Variants in GALNTL6 observed in about 807,000 individuals in gnomAD.
GALNTL6 encodes polypeptide N-acetylgalactosaminyltransferase-like 6.
In GALNTL6, 46 loss-of-function variants were observed where a neutral mutation model predicts 73.7. The observed-to-expected ratio is 0.62, with a 90% CI of 0.49 to 0.80. The LOEUF (loss-of-function observed/expected upper bound fraction) is 0.80, where lower values mean the gene tolerates loss of function less well. Among genes scored for constraint, GALNTL6 ranks in the 30% least tolerant of loss-of-function variants. The pLI is 0.00. For missense variants in GALNTL6, 604 were observed against 755.0 expected, an observed-to-expected ratio of 0.80 and a Z score of 2.34; for synonymous variants, 259 against 263.7, an observed-to-expected ratio of 0.98 and a Z score of 0.17.
chr4:172,244,104 G>A (rs1248320684), intron 3 of GALNTL6, among the ~76,000 whole-genome samples: 1 of 151,986 alleles, frequency 6.6e-6, no homozygotes, highest in Non-Finnish European at 1.5e-5. Context: ...GTTGGGAAGT[G>A]GTCAGCTTTG....
chr4:172,749,093 T>G (rs201607068), intron 5 of GALNTL6, among the ~76,000 whole-genome samples: 7 of 92,590 alleles, frequency 7.6e-5, no homozygotes, highest in African/African-American at 3.4e-4. Flanking sequence ...TTGTTGTTTG[T>G]TTTTTTTTTG....
chr4:172,093,318 T>C (rs942449152), intron 2 of GALNTL6, among the ~76,000 whole-genome samples: 14 of 152,238 alleles, frequency 9.2e-5, no homozygotes, highest in African/African-American at 3.4e-4. Flanking sequence ...AATCTAATTT[T>C]ATCTATACCA....
At chr4:172,433,220 T>G (rs550827482) in intron 5 of GALNTL6, among the ~76,000 whole-genome samples, 9 of 152,280 alleles carry the variant, frequency 5.9e-5, no homozygotes, top group African/African-American at 1.9e-4. Flanking sequence ...TAATTCTATT[T>G]TAAGCTTCCC....
chr4:172,165,302 A>G (rs1222682384), intron 2 of GALNTL6, among the ~76,000 whole-genome samples: 4 of 152,124 alleles, frequency 2.6e-5, no homozygotes, highest in African/African-American at 9.7e-5. Context: ...TTACAACTTT[A>G]TTAAAGTGGA....
intron 2 of GALNTL6, among the ~76,000 whole-genome samples, chr4:172,146,079 A>C (rs531538570): frequency 6.6e-6 from 1 of 152,298 alleles, no homozygotes; most frequent in African/African-American, 2.4e-5. Flanking sequence ...AAACAAGAAG[A>C]ACATCTTTCT....
chr4:172,088,315 T>C (rs1283359824), intron 2 of GALNTL6, among the ~76,000 whole-genome samples: 1 of 152,172 alleles, frequency 6.6e-6, no homozygotes, highest in African/African-American at 2.4e-5. Context: ...ATTTATTACA[T>C]GTGTAGGGGT....
chr4:172,141,633 A>T (rs1218894297), intron 2 of GALNTL6, among the ~76,000 whole-genome samples: 4 of 151,946 alleles, frequency 2.6e-5, no homozygotes, highest in Non-Finnish European at 5.9e-5. Flanking sequence ...GCTAAAAAAA[A>T]ATTCTGCCAG....
At chr4:172,957,074 G>A (rs532708420) in intron 10 of GALNTL6, among the ~76,000 whole-genome samples, 1 of 152,192 alleles carries the variant, frequency 6.6e-6, no homozygotes, top group South Asian at 2.1e-4. Context: ...CCTAGACCAA[G>A]AGGTATTTTA....
At chr4:172,513,926 G>T (rs761875772) in intron 5 of GALNTL6, among the ~76,000 whole-genome samples, 3 of 152,164 alleles carry the variant, frequency 2.0e-5, no homozygotes, top group Non-Finnish European at 4.4e-5. Flanking sequence ...GACATACTGA[G>T]GATCTCTGGT....
intron 5 of GALNTL6, among the ~76,000 whole-genome samples, chr4:172,627,801 A>G (rs1182576842): frequency 6.6e-6 from 1 of 151,966 alleles, no homozygotes; most frequent in African/African-American, 2.4e-5. Context: ...CAGGAGTTCT[A>G]TAATAGTCTC....
chr4:172,931,792 C>T (rs73870316), intron 9 of GALNTL6, among the ~76,000 whole-genome samples: 5,952 of 152,316 alleles, frequency 0.039, 196 homozygotes, highest in African/African-American at 0.088. Context: ...AAAATTGGCT[C>T]AGTCTTAAGA....
At chr4:172,949,766 A>G (rs1749350348) in intron 9 of GALNTL6, among the ~76,000 whole-genome samples, 1 of 151,914 alleles carries the variant, frequency 6.6e-6, no homozygotes, top group East Asian at 1.9e-4. Flanking sequence ...AAAATTAGCC[A>G]GGCATGGTAG....
At chr4:171,948,725 A>G (rs1393556872) in intron 2 of GALNTL6, among the ~76,000 whole-genome samples, 1 of 152,108 alleles carries the variant, frequency 6.6e-6, no homozygotes. Flanking sequence ...CTCTCTTTGA[A>G]CATAGCAAAC....
intron 5 of GALNTL6, among the ~76,000 whole-genome samples, chr4:172,773,129 T>A (rs1407333563): frequency 6.6e-6 from 1 of 152,122 alleles, no homozygotes; most frequent in Non-Finnish European, 1.5e-5. Context: ...TCACTCCGTG[T>A]GATGAAAGAG....
intron 5 of GALNTL6, among the ~76,000 whole-genome samples, chr4:172,670,530 T>G (rs1369258305): frequency 6.6e-6 from 1 of 152,214 alleles, no homozygotes; most frequent in Non-Finnish European, 1.5e-5. Flanking sequence ...TTTAAGTTCC[T>G]TATAGAAGCT....
intron 2 of GALNTL6, among the ~76,000 whole-genome samples, chr4:172,039,553 A>G (rs1742028032): frequency 6.6e-6 from 1 of 152,108 alleles, no homozygotes; most frequent in Non-Finnish European, 1.5e-5. Flanking sequence ...GTCAGGAATG[A>G]GTTATGGAGA....
rs1738458805 is a variant in GALNTL6 at position 172,266,547 on chromosome 4, T to G, written c.247+36783T>G. Among the ~76,000 whole-genome samples, 4 of 152,128 alleles carry G rather than the reference T, an allele frequency of 2.6e-5. No individual in the cohort carries two copies. The South Asian group carries it at 8.3e-4, about 32-fold the overall frequency. On this transcript the variant is annotated intron_variant, in intron 3 of 12. Coordinates refer to ENST00000506823, the MANE Select transcript of GALNTL6 (RefSeq NM_001034845.3). ...TATGTTTTAACTTATGTAAAATAAC[T>G]ATAAAACATTGTAGCTATAAAACAT...
chr4:172,245,195 C>T (rs563037768), intron 3 of GALNTL6, among the ~76,000 whole-genome samples: 17 of 152,228 alleles, frequency 1.1e-4, no homozygotes, highest in Admixed American at 3.3e-4. Flanking sequence ...TAACTCGTTC[C>T]TGCATAGCTG....
In GALNTL6 at chr4:172,205,891, G is replaced by C. The variant is rs534193020; in HGVS notation, c.139-23765G>C. 5.9e-5 allele frequency among the ~76,000 whole-genome samples: 9 copies of C among 152,278 alleles called. No homozygotes were observed. The South Asian group carries it at 1.9e-3, about 32-fold the overall frequency. The stretch of plus-strand genomic sequence containing the variant: ...CTCTCAGCAGTAAGTTCTATGCCTT[G>C]TTGTTTTGGCATCTCCATCAAGTCT... On this transcript the variant is annotated intron_variant, in intron 2 of 12. Coordinates refer to ENST00000506823, the MANE Select transcript of GALNTL6 (RefSeq NM_001034845.3).
Sources: allele counts gnomAD v4.1 joint callset (sites outside exome capture counted in the v4.1 genomes callset), GRCh38; gene constraint gnomAD v4.1.1; transcripts MANE v1.5; gene names NCBI Gene and HGNC (gene_info 2026-07-23, HGNC 2026-07-21).